Variants in MOB2 observed in about 807,000 individuals in gnomAD.
MOB2 encodes MOB kinase activator 2.
In MOB2, 14 loss-of-function variants were observed where a neutral mutation model predicts 27.4. The observed-to-expected ratio is 0.51, with a 90% confidence interval of 0.34 to 0.80. MOB2 has a LOEUF of 0.80. Among genes scored for constraint, MOB2 ranks in the 30% least tolerant of loss-of-function variants. The probability of loss-of-function intolerance (pLI) is 0.01; values close to 1 mark genes in which losing one functional copy is unlikely to be tolerated. For missense variants in MOB2, 304 were observed against 354.6 expected (o/e 0.86, Z 1.15); for synonymous variants, 167 against 151.8 (o/e 1.10, Z -0.74).
Position 1,470,300 on chromosome 11 carries a change from C to T in MOB2, c.679G>A (p.Glu227Lys), listed in dbSNP as rs1847770145. 1.2e-6 allele frequency: 2 copies of T among 1,613,382 alleles called. No homozygotes were observed. The highest frequency in any genetic ancestry group is 1.7e-6 in the Non-Finnish European group (2 of 1,179,902). The change falls in exon 5 of 5, where the codon GAG becomes AAG. Residue 227 changes from glutamate (E) to lysine (K), a missense_variant. Glu to Lys is a moderately conservative substitution (Grantham distance 56). Coordinates refer to ENST00000329957, the MANE Select transcript of MOB2 (RefSeq NM_001172223.3). ...GTGAGGTCGTCCATGATGGCGGTCTCTTTGGGGTCCAGCAGGTTGAACTCC... is the reference window on the plus strand; with the variant it reads ...GTGAGGTCGTCCATGATGGCGGTCTTTTTGGGGTCCAGCAGGTTGAACTCC... ...AREFNLLDPK[E>K]TAIMDDLTEV...
intron 3 of MOB2, 158 bp from the exon 4 acceptor site, chr11:1,471,577 A>C (rs1420457893): frequency 2.5e-6 from 2 of 801,660 alleles, no homozygotes; most frequent in African/African-American, 3.5e-5. Flanking sequence ...CACTGTCCCC[A>C]CACACTGTCT....
Position 1,480,715 on chromosome 11 carries a change from C to A in MOB2, c.271+10G>T. ...GGAGGGAGGGGGCCCGCCCCCAGGC[C>A]CCCGCGCACTGTTGCTGGCCAGCCA... On this transcript the variant is annotated intron_variant, in intron 2 of 4. Coordinates refer to ENST00000329957, the MANE Select transcript of MOB2 (RefSeq NM_001172223.3). The A allele has an allele frequency of 6.2e-7, 1 of 1,600,336 alleles. No homozygotes were observed. Among genetic ancestry groups the A allele is most frequent in the Non-Finnish European group, 8.5e-7 (1 of 1,174,362 alleles).
At position 1,474,033 on chromosome 11, in the gene MOB2, C is replaced by A. The variant is rs187228887; in HGVS notation, c.366-2614G>T. On this transcript the variant is annotated intron_variant, in intron 3 of 4. Coordinates refer to ENST00000329957, the MANE Select transcript of MOB2 (RefSeq NM_001172223.3). ...CCCCTGCAGAGATGGACATGGCGTG[C>A]TCATCTATTCACCTGTGTCCCTGCC... 3.5e-3 allele frequency among the ~76,000 whole-genome samples: 530 copies of A among 152,384 alleles called. 1 individual carries two copies. The highest frequency in any genetic ancestry group is 0.012 in the African/African-American group (506 of 41,586).
Position 1,486,431 on chromosome 11 carries a change from G to A in MOB2, c.110+16C>T, listed in dbSNP as rs1311663717. On this transcript the variant is annotated intron_variant, in intron 1 of 4. Transcript: ENST00000329957. ...GTGCTACACACCCCTCCCCCAGCCA[G>A]GCTGGCAGGTGTTACCTGAGCACTT... The A allele has an allele frequency of 1.3e-6, 2 of 1,527,216 alleles. No individual in the cohort carries two copies. Among genetic ancestry groups the A allele is most frequent in the African/African-American group, 2.7e-5 (2 of 72,880 alleles). The allele number at this position is 1,527,216 out of a possible 1,614,324, so 94.6% of individuals were successfully genotyped here. A position where few individuals can be genotyped will look rare whatever the true frequency, so the allele number is the denominator to read the frequency against.
intron 1 of MOB2, among the ~76,000 whole-genome samples, chr11:1,486,128 G>A (rs913816801): frequency 2.6e-5 from 4 of 152,240 alleles, no homozygotes; most frequent in Non-Finnish European, 5.9e-5. Flanking sequence ...GGCAAGGTGG[G>A]GTCAACCCCG....
intron 1 of MOB2, 76 bp downstream of exon 1, chr11:1,486,371 C>T: frequency 2.5e-6 from 3 of 1,189,346 alleles, no homozygotes; most frequent in Admixed American, 4.0e-5. Flanking sequence ...CCCACCCTGA[C>T]CTCCTTCCTG....
chr11:1,486,418 C>A (rs1220804357), intron 1 of MOB2, 29 bp downstream of exon 1: 3 of 1,489,984 alleles, frequency 2.0e-6, no homozygotes, highest in South Asian at 1.2e-5. Flanking sequence ...GCTACACACC[C>A]CTCCCCCAGC....
rs1324170759 is a variant in MOB2 at position 1,470,086 on chromosome 11, C to A, written c.*86G>T. 6.5e-7 allele frequency: 1 copy of A among 1,544,568 alleles called. No individual in the cohort carries two copies. Among genetic ancestry groups the A allele is most frequent in the South Asian group, 1.2e-5 (1 of 84,034 alleles). ...TCTCAGACCTCACCACACGCGTGCCCAGCACATGTGTGCACACGCAGATGC... is the reference window on the plus strand; with the variant it reads ...TCTCAGACCTCACCACACGCGTGCCAAGCACATGTGTGCACACGCAGATGC... On this transcript the variant is annotated 3_prime_UTR_variant, in exon 5 of 5. Coordinates refer to ENST00000329957, the MANE Select transcript of MOB2 (RefSeq NM_001172223.3).
chr11:1,480,350 G>A (rs780981060), intron 3 of MOB2, 43 bp downstream of exon 3: 13 of 1,575,920 alleles, frequency 8.2e-6, no homozygotes, highest in East Asian at 2.2e-5. Flanking sequence ...GAGCCCCACC[G>A]AGTCTCCCAA....
Position 1,469,771 on chromosome 11 carries a change from G to C in MOB2, c.*401C>G. 1 of 481,148 alleles carries C rather than the reference G, an allele frequency of 2.1e-6. No individual in the cohort carries two copies. Among genetic ancestry groups the C allele is most frequent in the Non-Finnish European group, 4.1e-6 (1 of 243,760 alleles). 29.8% of individuals were successfully genotyped at this position (481,148 alleles called of 1,614,324 possible). On this transcript the variant is annotated 3_prime_UTR_variant, in exon 5 of 5. Transcript: ENST00000329957. ...TCTGTGAAAGCAAGCCCCACCCCCA[G>C]AGCAGAGCAGAGACCCAGGTCTGCA...
At chr11:1,485,580 G>C (rs115258118) in intron 1 of MOB2, among the ~76,000 whole-genome samples, 2,754 of 152,310 alleles carry the variant, frequency 0.018, 78 homozygotes, top group African/African-American at 0.062. Flanking sequence ...ATGCACACGG[G>C]TGCCGCAGCC....
At chr11:1,476,123 C>A (rs374577234) in intron 3 of MOB2, among the ~76,000 whole-genome samples, 4 of 152,262 alleles carry the variant, frequency 2.6e-5, no homozygotes, top group African/African-American at 9.6e-5. Context: ...CCGCATCACA[C>A]TGCTCAGAAC....
At chr11:1,486,366 C>G (rs1448367614) in intron 1 of MOB2, 81 bp downstream of exon 1, 1 of 1,140,812 alleles carries the variant, frequency 8.8e-7, no homozygotes, top group Non-Finnish European at 1.3e-6. Context: ...GCCTCCCCAC[C>G]CTGACCTCCT....
Position 1,486,723 on chromosome 11 carries a change from G to A in MOB2, c.-167C>T. The A allele has an allele frequency of 3.4e-6, 2 of 593,636 alleles. No individual in the cohort carries two copies. 36.8% of individuals were successfully genotyped at this position (593,636 alleles called of 1,614,324 possible). ...CAGAGGCAAGGGCTGGCCAAGGCTGGTGAAACGAGGGAGCGTCTGAATTGG... is the reference window on the plus strand; with the variant it reads ...CAGAGGCAAGGGCTGGCCAAGGCTGATGAAACGAGGGAGCGTCTGAATTGG... On this transcript the variant is annotated 5_prime_UTR_variant, in exon 1 of 5. Transcript: ENST00000329957.
Position 1,469,600 on chromosome 11 carries a change from G to A in MOB2, c.*572C>T, listed in dbSNP as rs111702797. 8.8e-6 allele frequency: 4 copies of A among 456,900 alleles called. No homozygotes were observed. The highest frequency in any genetic ancestry group is 3.3e-4 in the Middle Eastern group (1 of 3,076). The allele number at this position is 456,900 out of a possible 1,614,324, so 28.3% of individuals were successfully genotyped here. ...AGGACTGCACCATGGGTGTTCCTTGGGCATGGAGGAGGCAGCAGGAAGGGG... is the reference window on the plus strand; with the variant it reads ...AGGACTGCACCATGGGTGTTCCTTGAGCATGGAGGAGGCAGCAGGAAGGGG... On this transcript the variant is annotated 3_prime_UTR_variant, in exon 5 of 5. Transcript: ENST00000329957.
intron 3 of MOB2, among the ~76,000 whole-genome samples, chr11:1,478,032 C>A (rs1313861172): frequency 1.3e-5 from 2 of 152,236 alleles, no homozygotes; most frequent in Non-Finnish European, 2.9e-5. Flanking sequence ...TGCGTCTCTT[C>A]ACATAAGCTC....
At chr11:1,474,006 T>C (rs1207323406) in intron 3 of MOB2, among the ~76,000 whole-genome samples, 1 of 152,210 alleles carries the variant, frequency 6.6e-6, no homozygotes, top group African/African-American at 2.4e-5. Context: ...GCCCAGACAC[T>C]GCCCCTGCAG....
At chr11:1,472,185 AG>A (rs1847801351) in intron 3 of MOB2, 1 of 109,992 alleles carries the variant, frequency 9.1e-6, no homozygotes, top group Admixed American at 1.2e-4. Flanking sequence ...ACCAAAACCC[AG>A]GGCACCCACC....
Position 1,471,437 on chromosome 11 carries a change from C to T in MOB2, c.366-18G>A, listed in dbSNP as rs745439481. 31 of 1,604,006 alleles carry T rather than the reference C, an allele frequency of 1.9e-5. No homozygotes were observed. The highest frequency in any genetic ancestry group is 1.7e-4 in the Middle Eastern group (1 of 6,042). On this transcript the variant is annotated intron_variant, in intron 3 of 4. Coordinates refer to ENST00000329957, the MANE Select transcript of MOB2 (RefSeq NM_001172223.3). ...AGTACTGTCTGTGGAGACAGAGACACGGTCAGGGCATGCGCCCGCTGCACA... is the reference window on the plus strand; with the variant it reads ...AGTACTGTCTGTGGAGACAGAGACATGGTCAGGGCATGCGCCCGCTGCACA...
Sources: gnomAD v4.1 joint callset for allele counts (sites outside exome capture counted in the v4.1 genomes callset) on GRCh38, gnomAD v4.1.1 for gene constraint, MANE v1.5 for transcripts, NCBI Gene and HGNC (gene_info 2026-07-23, HGNC 2026-07-21) for gene names.